ZBED6: variants seen among roughly 807,000 people sequenced by gnomAD.
ZBED6 encodes zinc finger BED domain-containing protein 6.
Under a neutral mutation model 58.4 loss-of-function variants are expected in ZBED6, and 40 were observed. The observed-to-expected ratio is 0.68, with a 90% confidence interval of 0.53 to 0.89. ZBED6 has a LOEUF of 0.89. Among genes scored for constraint, ZBED6 ranks in the 40% least tolerant of loss-of-function variants. The probability of loss-of-function intolerance (pLI) is 0.00; values close to 1 mark genes in which losing one functional copy is unlikely to be tolerated. For synonymous variants in ZBED6, 439 were observed against 350.6 expected (o/e 1.25, Z -2.82); for missense variants, 1,057 against 1,003.9 (o/e 1.05, Z -0.71).
upstream of ZBED6, chr1:203,795,655 A>G (rs1338443726): frequency 2.0e-5 from 3 of 150,356 alleles, no homozygotes; most frequent in African/African-American, 7.3e-5. Flanking sequence ...GCCATCTTTG[A>G]CGCTGGCAGT....
chr1:203,819,195 T>C lies in ZBED6; in HGVS notation c.*2873+506T>C, dbSNP rs116557061. Among the ~76,000 whole-genome samples, 992 of 151,080 alleles carry C rather than the reference T, an allele frequency of 6.6e-3. 10 individuals are homozygous for C. Among genetic ancestry groups the C allele is most frequent in the African/African-American group, 0.022 (926 of 41,196 alleles). Reference sequence around the variant, plus strand: ...GTGTGTGTATATATATACACAACTTTCCTCTATGCAATTTTTTTTTCTTTC... The same window carrying C: ...GTGTGTGTATATATATACACAACTTCCCTCTATGCAATTTTTTTTTCTTTC... On this transcript the variant is annotated intron_variant, in intron 3 of 16. Coordinates refer to ENST00000550078, the Ensembl canonical transcript of ZBED6.
intron 1 of ZBED6, among the ~76,000 whole-genome samples, chr1:203,806,830 C>CTTTTTTTT (rs373591619): frequency 8.5e-6 from 1 of 117,858 alleles, no homozygotes; most frequent in Non-Finnish European, 1.7e-5. Flanking sequence ...CCTCAGGTTC[C>CTTTTTTTT]TTTTTTTTTT....
At chr1:203,832,243 TAG>T (rs1353856071) in intron 8 of ZBED6, among the ~76,000 whole-genome samples, 7 of 152,072 alleles carry the variant, frequency 4.6e-5, no homozygotes, top group Non-Finnish European at 1.0e-4. Context: ...GTATTTTTAG[TAG>T]AGACGGGGTT....
intron 3 of ZBED6, among the ~76,000 whole-genome samples, chr1:203,823,925 G>A (rs920641068): frequency 2.6e-5 from 4 of 152,192 alleles, no homozygotes; most frequent in Middle Eastern, 3.4e-3. Flanking sequence ...GAAATAATCA[G>A]GATATATTGT....
intron 1 of ZBED6, among the ~76,000 whole-genome samples, chr1:203,803,963 A>G (rs909200542): frequency 6.6e-6 from 1 of 151,888 alleles, no homozygotes; most frequent in African/African-American, 2.4e-5. Flanking sequence ...CCAGTAATAA[A>G]CTCTAATTGG....
At chr1:203,798,795 T>C in exon 1 of ZBED6, 4 of 1,536,152 alleles carry the variant, frequency 2.6e-6, no homozygotes, top group Non-Finnish European at 3.5e-6. Flanking sequence ...TATGCATCCT[T>C]ACAACTATTT....
exon 15 of ZBED6, chr1:203,850,622 G>C (rs778780388): frequency 1.2e-6 from 2 of 1,614,160 alleles, no homozygotes; most frequent in Middle Eastern, 1.6e-4. Flanking sequence ...CATTGCCGCT[G>C]TGAAGCCACT....
chr1:203,807,173 C>T (rs1463720843), intron 1 of ZBED6, among the ~76,000 whole-genome samples: 1 of 152,080 alleles, frequency 6.6e-6, no homozygotes, highest in Non-Finnish European at 1.5e-5. Flanking sequence ...CCATTCCTGA[C>T]CATGTTACTA....
chr1:203,831,569 T>G, intron 7 of ZBED6, 92 bp from the exon 8 acceptor site: 1 of 976,090 alleles, frequency 1.0e-6, no homozygotes, highest in Non-Finnish European at 1.6e-6. Context: ...CAGTCTGTAT[T>G]GGACTTAACT....
Position 203,831,603 on chromosome 1 carries a change from C to T in ZBED6, c.*3400-58C>T, listed in dbSNP as rs1257042719. The T allele has an allele frequency of 6.0e-6, 9 of 1,488,838 alleles. No individual in the cohort carries two copies. The South Asian group carries it at 7.1e-5, about 12-fold the overall frequency. The allele number at this position is 1,488,838 out of a possible 1,614,324, so 92.2% of individuals were successfully genotyped here. On this transcript the variant is annotated intron_variant, in intron 7 of 16. Transcript: ENST00000550078. ...CTGGTTACAAAAACAAATTTTTTGA[C>T]TTGGGATAGCATTATTTTCCATAAA...
chr1:203,835,211 T>G (rs891088185), intron 9 of ZBED6, among the ~76,000 whole-genome samples: 1 of 152,214 alleles, frequency 6.6e-6, no homozygotes, highest in Non-Finnish European at 1.5e-5. Flanking sequence ...TGAATGAAAT[T>G]AATATTTGCT....
chr1:203,797,930 G>T (rs1669172542), exon 1 of ZBED6: 1 of 1,535,930 alleles, frequency 6.5e-7, no homozygotes, highest in Non-Finnish European at 8.7e-7. Context: ...CCATTGTGTG[G>T]CACTTCTTTC....
exon 1 of ZBED6, chr1:203,800,546 C>T: frequency 8.0e-7 from 1 of 1,255,972 alleles, no homozygotes; most frequent in Non-Finnish European, 1.1e-6. Flanking sequence ...TAATCATTAT[C>T]TTTATAAACA....
Position 203,797,748 on chromosome 1 carries a change from C to G in ZBED6, c.226C>G (p.Arg76Gly), listed in dbSNP as rs934783760. The G allele has an allele frequency of 2.6e-6, 4 of 1,535,260 alleles. No individual in the cohort carries two copies. In the African/African-American group the frequency reaches 5.5e-5, roughly 21 times the overall value. ...TTTGCGAATTAAGGGGAAAAGGCGT[C>G]GAAAAAAATTGATTCTTGCCAAAAA... is the stretch of plus-strand genomic sequence containing the variant. Residue 76 changes from arginine to glycine, a missense_variant, in exon 1 of 17, where the codon CGA becomes GGA. Coordinates refer to ENST00000550078, the Ensembl canonical transcript of ZBED6.
rs1006116670 is a variant in ZBED6 at position 203,797,629 on chromosome 1, A to G, written c.107A>G (p.Asn36Ser). Residue 36 changes from asparagine (N) to serine (S), a missense_variant, in exon 1 of 17, where the codon AAT becomes AGT. Asn to Ser is a conservative substitution (Grantham distance 46). Transcript: ENST00000550078. Reference sequence around the variant, plus strand: ...CTGGGATGTGTTCCTATTAATTCTAATACAGATGAAGAAGATGTGGTAGAG... The same window carrying G: ...CTGGGATGTGTTCCTATTAATTCTAGTACAGATGAAGAAGATGTGGTAGAG... The G allele has an allele frequency of 2.6e-6, 4 of 1,535,958 alleles. No homozygotes were observed. The African/African-American group carries it at 4.1e-5, about 16-fold the overall frequency.
exon 16 of ZBED6, chr1:203,851,100 C>T (rs1415157430): frequency 2.5e-6 from 4 of 1,614,158 alleles, no homozygotes; most frequent in Non-Finnish European, 1.7e-6. Flanking sequence ...GTCACTGTGC[C>T]TGAAGCAGAA....
intron 2 of ZBED6, among the ~76,000 whole-genome samples, chr1:203,817,426 C>T (rs1192008239): frequency 6.7e-6 from 1 of 149,710 alleles, no homozygotes; most frequent in Non-Finnish European, 1.5e-5. Context: ...CCACTTTGAC[C>T]TATGCCTTAC....
intron 3 of ZBED6, among the ~76,000 whole-genome samples, chr1:203,824,409 CTT>C (rs1196570330): frequency 1.3e-5 from 2 of 151,998 alleles, no homozygotes; most frequent in Non-Finnish European, 2.9e-5. Context: ...GAGAAGGAGT[CTT>C]TTTATCATGT....
At chr1:203,849,217 T>G (rs1688697280) in intron 13 of ZBED6, among the ~76,000 whole-genome samples, 1 of 152,204 alleles carries the variant, frequency 6.6e-6, no homozygotes, top group Admixed American at 6.5e-5. Flanking sequence ...TATGCATGCA[T>G]GTGAATTTGT....
Sources: gnomAD v4.1 joint callset for allele counts (sites outside exome capture counted in the v4.1 genomes callset) on GRCh38, gnomAD v4.1.1 for gene constraint, MANE v1.5 for transcripts, NCBI Gene and HGNC (gene_info 2026-07-23, HGNC 2026-07-21) for gene names.